The following ROBO2 variants were observed in gnomAD, a reference collection of about 807,000 sequenced individuals.
The protein encoded by ROBO2 is roundabout homolog 2.
ROBO2 carries 53 observed loss-of-function variants against 160.8 expected under a neutral mutation model. The observed-to-expected ratio is 0.33, with a 90% CI of 0.26 to 0.41. The LOEUF (loss-of-function observed/expected upper bound fraction) is 0.41. Among genes scored for constraint, ROBO2 ranks in the 10% least tolerant of loss-of-function variants. ROBO2 has a pLI of 1.00. For missense variants in ROBO2, 1,577 were observed against 1,722.4 expected (o/e 0.92, Z 1.49); for synonymous variants, 664 against 611.7 (o/e 1.09, Z -1.26).
intron 2 of ROBO2, among the ~76,000 whole-genome samples, chr3:77,210,603 T>C (rs1191865352): frequency 6.6e-6 from 1 of 152,210 alleles, no homozygotes; most frequent in Non-Finnish European, 1.5e-5. Flanking sequence ...ATTTTTTTAT[T>C]ATACTTTAAG....
intron 16 of ROBO2, among the ~76,000 whole-genome samples, chr3:77,582,332 C>T (rs1194212545): frequency 1.3e-5 from 2 of 152,162 alleles, no homozygotes; most frequent in African/African-American, 2.4e-5. Flanking sequence ...AATTCCTGGC[C>T]TCATGTGATC....
chr3:76,354,637 C>A lies in ROBO2; in HGVS notation c.109+417035C>A, dbSNP rs192268786. Among the ~76,000 whole-genome samples the A allele has an allele frequency of 3.3e-3, 503 of 151,828 alleles. 6 individuals are homozygous for A. Among genetic ancestry groups the A allele is most frequent in the Admixed American group, 0.024 (367 of 15,180 alleles). On this transcript the variant is annotated intron_variant, in intron 2 of 26. Transcript: ENST00000487694. ...CATTCTAATATCAAGTGAAAAAAAT[C>A]ATCTGAAGGTGATGAATTTTCGGTG...
intron 2 of ROBO2, among the ~76,000 whole-genome samples, chr3:77,426,678 C>A (rs369321433): frequency 8.3e-6 from 1 of 119,964 alleles, no homozygotes; most frequent in African/African-American, 3.2e-5. Context: ...ATCATTTGGT[C>A]AGGAAGGAAG....
intron 2 of ROBO2, among the ~76,000 whole-genome samples, chr3:76,226,186 A>C: frequency 6.6e-6 from 1 of 152,342 alleles, no homozygotes; most frequent in South Asian, 2.1e-4. Flanking sequence ...CTTATAATAT[A>C]GGTCAGAAAA....
At chr3:76,560,708 A>G (rs1302498586) in intron 2 of ROBO2, among the ~76,000 whole-genome samples, 2 of 150,578 alleles carry the variant, frequency 1.3e-5, no homozygotes, top group Non-Finnish European at 3.0e-5. Flanking sequence ...CCACATATTA[A>G]CTGCTTTATT....
chr3:77,235,355 ATTT>A (rs35778905), intron 2 of ROBO2, among the ~76,000 whole-genome samples: 1 of 143,778 alleles, frequency 7.0e-6, no homozygotes. Context: ...AGAGGAGAAT[ATTT>A]TTTTTTTTTT....
chr3:76,186,170 C>A (rs1187307440), intron 2 of ROBO2, among the ~76,000 whole-genome samples: 1 of 151,786 alleles, frequency 6.6e-6, no homozygotes, highest in Non-Finnish European at 1.5e-5. Context: ...TGAGCTCAAC[C>A]AATCCACCCA....
At chr3:77,093,291 G>C (rs1312286417) in intron 1 of ROBO2, among the ~76,000 whole-genome samples, 1 of 152,134 alleles carries the variant, frequency 6.6e-6, no homozygotes, top group African/African-American at 2.4e-5. Context: ...TCACACTTTA[G>C]ATGTCCAAAA....
At chr3:76,902,340 A>G (rs1203161148) in intron 2 of ROBO2, among the ~76,000 whole-genome samples, 1 of 152,002 alleles carries the variant, frequency 6.6e-6, no homozygotes, top group African/African-American at 2.4e-5. Context: ...TTTATTTGGC[A>G]ATGCTATGTA....
At chr3:76,922,195 C>T (rs1469705531) in intron 2 of ROBO2, among the ~76,000 whole-genome samples, 1 of 152,070 alleles carries the variant, frequency 6.6e-6, no homozygotes, top group African/African-American at 2.4e-5. Context: ...CCTGTAGTCC[C>T]AGCTACTCGG....
At chr3:76,211,517 A>C (rs1432634832) in intron 2 of ROBO2, among the ~76,000 whole-genome samples, 1 of 152,104 alleles carries the variant, frequency 6.6e-6, no homozygotes, top group East Asian at 1.9e-4. Context: ...AGAATGAAAA[A>C]TGATTGAGTT....
At chr3:76,326,799 G>A (rs1444009888) in intron 2 of ROBO2, among the ~76,000 whole-genome samples, 1 of 117,118 alleles carries the variant, frequency 8.5e-6, no homozygotes, top group African/African-American at 3.4e-5. Context: ...TCCCCAGAGC[G>A]TGATGTTCCC....
intron 2 of ROBO2, among the ~76,000 whole-genome samples, chr3:76,845,638 T>TA (rs2068708473): frequency 6.6e-6 from 1 of 152,030 alleles, no homozygotes; most frequent in African/African-American, 2.4e-5. Context: ...TGCCAATACA[T>TA]TGTGTATCCA....
chr3:77,256,680 G>A (rs574582551), intron 2 of ROBO2, among the ~76,000 whole-genome samples: 6 of 152,158 alleles, frequency 3.9e-5, no homozygotes, highest in Non-Finnish European at 7.3e-5. Context: ...GGAGAAAGGA[G>A]GAAAGAGGAA....
chr3:76,348,899 C>T (rs1576589150), intron 2 of ROBO2, among the ~76,000 whole-genome samples: 1 of 152,188 alleles, frequency 6.6e-6, no homozygotes, highest in East Asian at 1.9e-4. Flanking sequence ...TGGTGAAATG[C>T]CATCAAGGAG....
intron 2 of ROBO2, among the ~76,000 whole-genome samples, chr3:76,761,416 C>T (rs1315138576): frequency 1.3e-5 from 2 of 151,674 alleles, no homozygotes; most frequent in Non-Finnish European, 2.9e-5. Context: ...GCTGCCTCGC[C>T]ATCCTGTTGT....
chr3:76,786,844 A>G (rs868805398), intron 2 of ROBO2, among the ~76,000 whole-genome samples: 1 of 151,492 alleles, frequency 6.6e-6, no homozygotes, highest in South Asian at 2.1e-4. Context: ...AGAAATATGC[A>G]TTAGTCCATT....
At chr3:76,212,714 T>C (rs1703224343) in intron 2 of ROBO2, among the ~76,000 whole-genome samples, 1 of 152,090 alleles carries the variant, frequency 6.6e-6, no homozygotes, top group African/African-American at 2.4e-5. Context: ...TTCTGCTGCG[T>C]AAGTTTTCCC....
At chr3:76,039,825 A>G (rs1483733435) in intron 2 of ROBO2, among the ~76,000 whole-genome samples, 6 of 152,050 alleles carry the variant, frequency 3.9e-5, no homozygotes, top group Admixed American at 3.3e-4. Flanking sequence ...GTTTATTTGC[A>G]TAGGGGATGT....
Sources: gnomAD v4.1 joint callset for allele counts (sites outside exome capture counted in the v4.1 genomes callset) on GRCh38, gnomAD v4.1.1 for gene constraint, MANE v1.5 for transcripts, NCBI Gene and HGNC (gene_info 2026-07-23, HGNC 2026-07-21) for gene names.